The following TRIM2 variants were observed in gnomAD, a reference collection of about 807,000 sequenced individuals.
The protein encoded by TRIM2 is tripartite motif containing 2, also known as tripartite motif-containing protein 2.
Under a neutral mutation model 75.2 loss-of-function variants are expected in TRIM2, and 20 were observed. The ratio of observed to expected loss-of-function variants is 0.27; its 90% CI spans 0.19 to 0.39. The LOEUF (loss-of-function observed/expected upper bound fraction) is 0.39, where lower values mean the gene tolerates loss of function less well. Among genes scored for constraint, TRIM2 ranks in the 10% least tolerant of loss-of-function variants. TRIM2 has a pLI of 1.00. For synonymous variants in TRIM2, 373 were observed against 388.3 expected, an observed-to-expected ratio of 0.96 and a Z score of 0.46; for missense variants, 660 against 990.8, an observed-to-expected ratio of 0.67 and a Z score of 4.48.
intron 8 of TRIM2, among the ~76,000 whole-genome samples, chr4:153,320,642 G>T (rs1768721512): frequency 1.3e-5 from 2 of 151,968 alleles, no homozygotes; most frequent in South Asian, 4.2e-4. Flanking sequence ...TGTTGTTGTT[G>T]TTGTTTTCGA....
intron 1 of TRIM2, among the ~76,000 whole-genome samples, chr4:153,265,985 G>A (rs1191176514): frequency 4.1e-4 from 62 of 152,204 alleles, no homozygotes; most frequent in Non-Finnish European, 4.4e-5. Flanking sequence ...AAACAGACAG[G>A]CTCTCAACAT....
At chr4:153,174,359 A>T (rs550842598) in intron 1 of TRIM2, among the ~76,000 whole-genome samples, 6 of 152,092 alleles carry the variant, frequency 3.9e-5, no homozygotes, top group Middle Eastern at 3.4e-3. Context: ...CTCCTGGTAT[A>T]AGATCCAGGA....
In TRIM2 at chr4:153,315,927, C is replaced by T. The variant is rs1767491937; in HGVS notation, c.1710C>T (p.Pro570=). ...GGCCCACAGGAGTGGCTGTACATCCCAGTGGGGACATAATCATTGCCGATT... is the reference window on the plus strand; with the variant it reads ...GGCCCACAGGAGTGGCTGTACATCCTAGTGGGGACATAATCATTGCCGATT... ...LQRPTGVAVH[P]SGDIIIADYD... Residue 570 remains proline (P), a synonymous_variant, in exon 8 of 12, where the codon CCC becomes CCT. Transcript: ENST00000338700. 6.2e-7 allele frequency: 1 copy of T among 1,611,172 alleles called. No homozygotes were observed. Among genetic ancestry groups the T allele is most frequent in the African/African-American group, 1.3e-5 (1 of 74,776 alleles).
chr4:153,153,191 A>G (rs1728880460), exon 1 of TRIM2: 1 of 152,246 alleles, frequency 6.6e-6, no homozygotes, highest in African/African-American at 2.4e-5. Flanking sequence ...CGCTGCCTGA[A>G]AGGCAGCTCT....
At chr4:153,181,219 A>C (rs1344378886) in intron 1 of TRIM2, among the ~76,000 whole-genome samples, 1 of 152,092 alleles carries the variant, frequency 6.6e-6, no homozygotes, top group Non-Finnish European at 1.5e-5. Flanking sequence ...TGAGGCCCAT[A>C]GCAGCTCCAT....
intron 1 of TRIM2, among the ~76,000 whole-genome samples, chr4:153,180,716 G>T (rs1045237316): frequency 2.0e-5 from 3 of 152,178 alleles, no homozygotes. Context: ...GAGCTCAAGT[G>T]ATCTGCCCGC....
chr4:153,158,135 T>G (rs983174386), intron 1 of TRIM2, among the ~76,000 whole-genome samples: 12 of 152,190 alleles, frequency 7.9e-5, no homozygotes, highest in African/African-American at 2.9e-4. Flanking sequence ...TAACGGAAGA[T>G]CTACTTAAGT....
chr4:153,173,022 T>C (rs535746627), intron 1 of TRIM2, among the ~76,000 whole-genome samples: 15 of 152,324 alleles, frequency 9.8e-5, no homozygotes, highest in African/African-American at 3.1e-4. Flanking sequence ...TTATCACCCC[T>C]GATTTAACCA....
rs1222553836 is a variant in TRIM2, at chr4:153,337,573, T to C, written c.*2607T>C. ...ATAACATTTCACACTTGGATACATA[T>C]GTGCATTTACTGTATTTCTTGGTAA... On this transcript the variant is annotated 3_prime_UTR_variant, in exon 12 of 12. Coordinates refer to ENST00000338700, the MANE Select transcript of TRIM2 (RefSeq NM_015271.5). The C allele has an allele frequency of 4.3e-5, 42 of 985,878 alleles. No homozygotes were observed. In the East Asian group the frequency reaches 3.9e-3, roughly 90 times the overall value. 61.1% of individuals were successfully genotyped at this position (985,878 alleles called of 1,614,324 possible).
intron 1 of TRIM2, among the ~76,000 whole-genome samples, chr4:153,239,028 C>T (rs893070743): frequency 6.6e-6 from 1 of 152,130 alleles, no homozygotes; most frequent in African/African-American, 2.4e-5. Context: ...GCCTTGTTGA[C>T]AGGATTAGTG....
In TRIM2 at chr4:153,336,312, G is replaced by A; in HGVS notation, c.*1346G>A. The A allele has an allele frequency of 1.0e-6, 1 of 983,654 alleles. No individual in the cohort carries two copies. Among genetic ancestry groups the A allele is most frequent in the Non-Finnish European group, 1.2e-6 (1 of 829,650 alleles). 60.9% of individuals were successfully genotyped at this position (983,654 alleles called of 1,614,324 possible). On this transcript the variant is annotated 3_prime_UTR_variant, in exon 12 of 12. Transcript: ENST00000338700. ...TTGCCATTTTCCAAGAATGACGGTG[G>A]TGGCTTTTAGTCAGAAAATGGCCTT...
intron 1 of TRIM2, among the ~76,000 whole-genome samples, chr4:153,263,050 G>T (rs763687606): frequency 6.6e-6 from 1 of 152,182 alleles, no homozygotes; most frequent in Non-Finnish European, 1.5e-5. Context: ...CACATGGGAG[G>T]CTGGGCATGG....
Position 153,275,932 on chromosome 4 carries a change from C to T in TRIM2, c.255C>T (p.Leu85=). 6.2e-7 allele frequency: 1 copy of T among 1,614,214 alleles called. No homozygotes were observed. The highest frequency in any genetic ancestry group is 8.5e-7 in the Non-Finnish European group (1 of 1,180,040). Residue 85 remains leucine (L), a synonymous_variant, in exon 3 of 12, where the codon CTC becomes CTT. Coordinates refer to ENST00000338700, the MANE Select transcript of TRIM2 (RefSeq NM_015271.5). ...QNYIPAHSLT[L]SCPVCRQTSI... is the part of the protein sequence containing the mutation. The stretch of plus-strand genomic sequence containing the variant: ...ACATTCCTGCCCACAGTTTAACCCT[C>T]TCCTGCCCAGTGTGCCGCCAGACCT...
At chr4:153,315,196 G>T (rs1476424605) in intron 6 of TRIM2, among the ~76,000 whole-genome samples, 2 of 152,186 alleles carry the variant, frequency 1.3e-5, no homozygotes, top group Non-Finnish European at 2.9e-5. Context: ...TTATTATGAT[G>T]TCTTTGTGGG....
At chr4:153,169,159 G>A (rs1730600984) in intron 1 of TRIM2, among the ~76,000 whole-genome samples, 1 of 152,282 alleles carries the variant, frequency 6.6e-6, no homozygotes, top group Admixed American at 6.5e-5. Context: ...AATTCTTTAA[G>A]AGTTTCATTT....
At chr4:153,241,802 A>G (rs73854614) in intron 1 of TRIM2, among the ~76,000 whole-genome samples, 107 of 152,342 alleles carry the variant, frequency 7.0e-4, no homozygotes, top group African/African-American at 2.4e-3. Flanking sequence ...AGCCAGAAAC[A>G]GTACAGAGAG....
At chr4:153,290,174 A>G (rs1761539733) in intron 3 of TRIM2, among the ~76,000 whole-genome samples, 1 of 152,202 alleles carries the variant, frequency 6.6e-6, no homozygotes, top group Admixed American at 6.5e-5. Context: ...TTTCCAAAGA[A>G]ATCTCAGAAT....
chr4:153,197,741 C>T (rs745602758), intron 1 of TRIM2, among the ~76,000 whole-genome samples: 16 of 152,112 alleles, frequency 1.1e-4, no homozygotes, highest in Middle Eastern at 3.4e-3. Flanking sequence ...GGTGTGGTGA[C>T]GGGCGCCTGT....
chr4:153,211,687 C>CAG (rs1737068567), intron 1 of TRIM2, among the ~76,000 whole-genome samples: 1 of 151,712 alleles, frequency 6.6e-6, no homozygotes, highest in Non-Finnish European at 1.5e-5. Flanking sequence ...TGGGATTTTA[C>CAG]CATGTTGCCT....
Sources: gnomAD v4.1 joint callset for allele counts (sites outside exome capture counted in the v4.1 genomes callset) on GRCh38, gnomAD v4.1.1 for gene constraint, MANE v1.5 for transcripts, NCBI Gene and HGNC (gene_info 2026-07-23, HGNC 2026-07-21) for gene names.